Variants in PHF21A observed in about 807,000 individuals in gnomAD.
The protein encoded by PHF21A is PHD finger protein 21A.
In PHF21A, 11 loss-of-function variants were observed where a neutral mutation model predicts 82.5. The ratio of observed to expected loss-of-function variants is 0.13; its 90% confidence interval spans 0.08 to 0.22. The LOEUF is 0.22. PHF21A is among the 10% of genes least tolerant of loss of function. The pLI is 1.00. For synonymous variants in PHF21A, 297 were observed against 302.8 expected (o/e 0.98, Z 0.20); for missense variants, 579 against 837.8 (o/e 0.69, Z 3.81).
intron 6 of PHF21A, among the ~76,000 whole-genome samples, chr11:46,026,634 C>CA (rs199531698): frequency 2.6e-4 from 38 of 146,960 alleles, no homozygotes; most frequent in Admixed American, 6.1e-4. Flanking sequence ...TTAGAAAATG[C>CA]AAAAAAAAAA....
At chr11:45,987,120 C>G (rs2094516427) in intron 6 of PHF21A, among the ~76,000 whole-genome samples, 1 of 152,098 alleles carries the variant, frequency 6.6e-6, no homozygotes, top group Non-Finnish European at 1.5e-5. Flanking sequence ...GTGGCTCATG[C>G]CTGTAGTCCC....
At chr11:46,117,199 T>C (rs879571128) in intron 1 of PHF21A, 3 of 152,184 alleles carry the variant, frequency 2.0e-5, no homozygotes, top group Admixed American at 6.5e-5. Context: ...GCCTACAAAA[T>C]AGACAAAATT....
At chr11:46,100,202 T>C (rs1388031317) in intron 1 of PHF21A, among the ~76,000 whole-genome samples, 4 of 152,086 alleles carry the variant, frequency 2.6e-5, no homozygotes, top group Non-Finnish European at 5.9e-5. Flanking sequence ...ATATTAATGC[T>C]AGCCTTTAAG....
intron 6 of PHF21A, among the ~76,000 whole-genome samples, chr11:46,041,650 G>A (rs1268535955): frequency 6.6e-6 from 1 of 152,090 alleles, no homozygotes; most frequent in Non-Finnish European, 1.5e-5. Context: ...CATACATGAA[G>A]ACCCAGATTT....
chr11:46,073,165 A>G (rs1324712302), intron 6 of PHF21A, among the ~76,000 whole-genome samples: 1 of 152,054 alleles, frequency 6.6e-6, no homozygotes, highest in Non-Finnish European at 1.5e-5. Context: ...GGTCTCTACT[A>G]AAAATACAAA....
chr11:46,096,312 C>T (rs925645749), intron 1 of PHF21A, among the ~76,000 whole-genome samples: 7 of 151,720 alleles, frequency 4.6e-5, no homozygotes, highest in Non-Finnish European at 1.0e-4. Flanking sequence ...CTCTTGACTC[C>T]ATATCCTTCT....
intron 16 of PHF21A, 70 bp from the exon 17 acceptor site, chr11:45,936,639 A>T: frequency 2.0e-6 from 2 of 1,003,092 alleles, no homozygotes; most frequent in Non-Finnish European, 3.2e-6. Flanking sequence ...AACAGCTAGC[A>T]GTGGTATCTG....
chr11:46,040,646 C>G (rs1169137092), intron 6 of PHF21A, among the ~76,000 whole-genome samples: 1 of 152,064 alleles, frequency 6.6e-6, no homozygotes, highest in Non-Finnish European at 1.5e-5. Flanking sequence ...TTAAAAGGTC[C>G]TGCTGGTAAC....
At chr11:46,064,700 T>C (rs2096574956) in intron 6 of PHF21A, among the ~76,000 whole-genome samples, 1 of 152,108 alleles carries the variant, frequency 6.6e-6, no homozygotes, top group Non-Finnish European at 1.5e-5. Flanking sequence ...TATTCAACAT[T>C]TTAAAAAGGA....
intron 14 of PHF21A, 125 bp downstream of exon 14, chr11:45,948,755 GAACAAC>G (rs1399275844): frequency 1.3e-6 from 1 of 743,752 alleles, no homozygotes; most frequent in African/African-American, 1.7e-5. Context: ...CATTCTCAGA[GAACAAC>G]AACAAAACTA....
At chr11:46,017,825 G>C (rs1030073658) in intron 6 of PHF21A, among the ~76,000 whole-genome samples, 12 of 152,144 alleles carry the variant, frequency 7.9e-5, no homozygotes, top group Non-Finnish European at 7.3e-5. Context: ...AAACAGCAAA[G>C]CACAGTGTAA....
intron 1 of PHF21A, among the ~76,000 whole-genome samples, chr11:46,100,887 G>A (rs2097086971): frequency 2.6e-5 from 4 of 152,270 alleles, no homozygotes; most frequent in South Asian, 2.1e-4. Context: ...CTGTTACCAC[G>A]TCTAAAGATA....
chr11:46,013,189 T>C (rs902253510), intron 6 of PHF21A, among the ~76,000 whole-genome samples: 3 of 152,150 alleles, frequency 2.0e-5, no homozygotes, highest in African/African-American at 7.2e-5. Context: ...AATAACACAA[T>C]ATTATATACT....
intron 1 of PHF21A, among the ~76,000 whole-genome samples, chr11:46,093,031 C>T (rs901968982): frequency 1.3e-5 from 2 of 152,174 alleles, no homozygotes; most frequent in African/African-American, 4.8e-5. Context: ...GCTGGGATTA[C>T]AGGTGTGAGC....
At chr11:46,005,800 T>C (rs780471778) in intron 6 of PHF21A, among the ~76,000 whole-genome samples, 1 of 152,150 alleles carries the variant, frequency 6.6e-6, no homozygotes, top group Non-Finnish European at 1.5e-5. Context: ...CTGAAACAAT[T>C]TACTCTAGCT....
chr11:45,936,487 T>G lies in PHF21A; in HGVS notation c.1684+7A>C, dbSNP rs201402902. The G allele has an allele frequency of 1.7e-5, 27 of 1,593,028 alleles. No individual in the cohort carries two copies. Among genetic ancestry groups the G allele is most frequent in the Non-Finnish European group, 2.3e-5 (27 of 1,161,534 alleles). Reference sequence around the variant, plus strand: ...TTACAAAAAAGTGGGTATGGATAACTCCTTACCTGCTTTGTAGGCAATATA... The same window carrying G: ...TTACAAAAAAGTGGGTATGGATAACGCCTTACCTGCTTTGTAGGCAATATA... On this transcript the variant is annotated splice_region_variant and intron_variant, in intron 17 of 18. Transcript: ENST00000676320.
intron 6 of PHF21A, among the ~76,000 whole-genome samples, chr11:46,048,105 A>G (rs1368097196): frequency 6.6e-6 from 1 of 152,208 alleles, no homozygotes; most frequent in Non-Finnish European, 1.5e-5. Context: ...CACTGCCCCA[A>G]AAAGGAACTC....
intron 6 of PHF21A, among the ~76,000 whole-genome samples, chr11:46,066,560 G>A (rs775210702): frequency 2.6e-5 from 4 of 151,992 alleles, no homozygotes; most frequent in African/African-American, 4.8e-5. Context: ...TTAGCCAGGC[G>A]TGACAGTGCA....
At chr11:45,982,098 A>G (rs2094322046) in intron 6 of PHF21A, among the ~76,000 whole-genome samples, 1 of 151,996 alleles carries the variant, frequency 6.6e-6, no homozygotes, top group Non-Finnish European at 1.5e-5. Context: ...CTGGGACTAC[A>G]AGAGCGTGCT....
Sources: gnomAD v4.1 joint callset for allele counts (sites outside exome capture counted in the v4.1 genomes callset) on GRCh38, gnomAD v4.1.1 for gene constraint, MANE v1.5 for transcripts, NCBI Gene and HGNC (gene_info 2026-07-23, HGNC 2026-07-21) for gene names.